The following CCR4 variants were observed in gnomAD, a reference collection of about 807,000 sequenced individuals.
CCR4 encodes C-C motif chemokine receptor 4.
A neutral mutation model predicts 17.1 loss-of-function variants in CCR4; 9 were observed. That is an observed-to-expected ratio of 0.53 (90% CI 0.32 to 0.92). CCR4 has a LOEUF of 0.92. Ranked by LOEUF, CCR4 falls within the 40% of genes least tolerant of loss-of-function variation. CCR4 has a pLI of 0.04. For missense variants in CCR4, 385 were observed against 433.9 expected (o/e 0.89, Z 1.00); for synonymous variants, 217 against 174.3 (o/e 1.24, Z -1.93).
chr3:32,952,762 A>T (rs544849584), intron 1 of CCR4, among the ~76,000 whole-genome samples: 1 of 152,200 alleles, frequency 6.6e-6, no homozygotes, highest in African/African-American at 2.4e-5. Context: ...GCTCTGATAC[A>T]CATGTCAGCA....
rs1017069338 is a variant in CCR4 at position 32,955,146 on chromosome 3, C to T, written c.*641C>T. 3 of 167,106 alleles carry T rather than the reference C, an allele frequency of 1.8e-5. No individual in the cohort carries two copies. Among genetic ancestry groups the T allele is most frequent in the Non-Finnish European group, 4.4e-5 (3 of 68,134 alleles). 10.4% of individuals were successfully genotyped at this position (167,106 alleles called of 1,614,324 possible). ...CCAAGGTCTGCTTTCCAAACGTGAACTACAAGGCATTCAAAATCCAAACAT... is the reference window on the plus strand; with the variant it reads ...CCAAGGTCTGCTTTCCAAACGTGAATTACAAGGCATTCAAAATCCAAACAT... On this transcript the variant is annotated 3_prime_UTR_variant, in exon 2 of 2. Transcript: ENST00000330953.
chr3:32,953,246 C>T, intron 1 of CCR4, 126 bp from the exon 2 acceptor site: 1 of 627,908 alleles, frequency 1.6e-6, no homozygotes, highest in Non-Finnish European at 2.5e-6. Flanking sequence ...AGTAATCGAG[C>T]CCTTCATCTT....
chr3:32,952,581 AAC>A (rs1575380181), intron 1 of CCR4, among the ~76,000 whole-genome samples: 1 of 152,142 alleles, frequency 6.6e-6, no homozygotes, highest in South Asian at 2.1e-4. Flanking sequence ...TTTCTTGAGA[AAC>A]ACAGTTTGGG....
chr3:32,954,219 C>A lies in CCR4; in HGVS notation c.797C>A (p.Thr266Asn). The A allele has an allele frequency of 6.2e-7, 1 of 1,613,992 alleles. No individual in the cohort carries two copies. Among genetic ancestry groups the A allele is most frequent in the Non-Finnish European group, 8.5e-7 (1 of 1,179,914 alleles). The change falls in exon 2 of 2, where the codon ACC becomes AAC. Residue 266 changes from threonine (T) to asparagine (N), a missense_variant. Transcript: ENST00000330953. ...TACAACATAGTGCTCTTCCTAGAGA[C>A]CCTGGTGGAGCTAGAAGTCCTTCAG... Reference protein sequence around the residue: ...TPYNIVLFLETLVELEVLQDC... With the variant: ...TPYNIVLFLENLVELEVLQDC...
Position 32,954,921 on chromosome 3 carries a change from C to T in CCR4, c.*416C>T, listed in dbSNP as rs1695687822. 5.7e-6 allele frequency: 1 copy of T among 174,324 alleles called. No homozygotes were observed. Among genetic ancestry groups the T allele is most frequent in the African/African-American group, 2.4e-5 (1 of 41,738 alleles). 10.8% of individuals were successfully genotyped at this position (174,324 alleles called of 1,614,324 possible). On this transcript the variant is annotated 3_prime_UTR_variant, in exon 2 of 2. Transcript: ENST00000330953. Reference sequence around the variant, plus strand: ...GGCAAATGGGCCCTCTAATTAATTTCTTGCTTTTGCGGAACAATATAGATA... The same window carrying T: ...GGCAAATGGGCCCTCTAATTAATTTTTTGCTTTTGCGGAACAATATAGATA...
At chr3:32,952,218 T>A (rs1697683919) in intron 1 of CCR4, among the ~76,000 whole-genome samples, 1 of 152,120 alleles carries the variant, frequency 6.6e-6, no homozygotes, top group Middle Eastern at 3.2e-3. Flanking sequence ...AACCAAAATC[T>A]TTTTTCTTTC....
intron 1 of CCR4, among the ~76,000 whole-genome samples, chr3:32,952,019 TC>T (rs1697681258): frequency 6.6e-6 from 1 of 152,118 alleles, no homozygotes; most frequent in Non-Finnish European, 1.5e-5. Context: ...ACAGAATAAT[TC>T]CAGACACTTA....
chr3:32,952,835 G>T (rs1226482095), intron 1 of CCR4, among the ~76,000 whole-genome samples: 1 of 152,154 alleles, frequency 6.6e-6, no homozygotes, highest in Non-Finnish European at 1.5e-5. Context: ...AAGTGAAGGT[G>T]GTTGGGGAGG....
chr3:32,953,880 A>C lies in CCR4; in HGVS notation c.458A>C (p.Tyr153Ser). Residue 153 changes from tyrosine (Y) to serine (S), a missense_variant, in exon 2 of 2, where the codon TAT becomes TCT. By Grantham distance (144) the Tyr-to-Ser change is moderately radical. Transcript: ENST00000330953. ...TCCTTGAGGGCAAGGACCTTGACTT[A>C]TGGGGTCATCACCAGTTTGGCTACA... ...VFSLRARTLTYGVITSLATWS... is the reference protein window; with the variant it reads ...VFSLRARTLTSGVITSLATWS... 3 of 1,613,994 alleles carry C rather than the reference A, an allele frequency of 1.9e-6. No individual in the cohort carries two copies. Among genetic ancestry groups the C allele is most frequent in the Non-Finnish European group, 2.5e-6 (3 of 1,180,004 alleles).
Position 32,954,633 on chromosome 3 carries a change from G to T in CCR4, c.*128G>T. 1.9e-6 allele frequency: 2 copies of T among 1,057,282 alleles called. No individual in the cohort carries two copies. Among genetic ancestry groups the T allele is most frequent in the South Asian group, 4.6e-5 (2 of 43,732 alleles). 65.5% of individuals were successfully genotyped at this position (1,057,282 alleles called of 1,614,324 possible). On this transcript the variant is annotated 3_prime_UTR_variant, in exon 2 of 2. Coordinates refer to ENST00000330953, the MANE Select transcript of CCR4 (RefSeq NM_005508.5). ...GGCTTACACCCACAGTGGAAAGACA[G>T]CTTCTCATCCTGCAGGCAGCTTTTT...
Position 32,953,398 on chromosome 3 carries a change from C to G in CCR4, c.-25C>G, listed in dbSNP as rs780177154. 4.5e-6 allele frequency: 7 copies of G among 1,569,426 alleles called. No individual in the cohort carries two copies. The highest frequency in any genetic ancestry group is 1.4e-5 in the African/African-American group (1 of 73,982). On this transcript the variant is annotated 5_prime_UTR_variant, in exon 2 of 2. Transcript: ENST00000330953. The stretch of plus-strand genomic sequence containing the variant: ...TGCTTCTGGTTGGGCCCAGACCTGC[C>G]TTGAGGAGCCTGTAGAGTTAAAAAA...
intron 1 of CCR4, among the ~76,000 whole-genome samples, chr3:32,952,447 CAG>C (rs1697687381): frequency 6.6e-6 from 1 of 152,078 alleles, no homozygotes; most frequent in African/African-American, 2.4e-5. Context: ...TTTGTAGAGA[CAG>C]GGTCTCCTTA....
chr3:32,953,317 T>C (rs2125706814), intron 1 of CCR4, 55 bp from the exon 2 acceptor site: 3 of 1,314,470 alleles, frequency 2.3e-6, no homozygotes, highest in South Asian at 1.5e-5. Context: ...CATTTAGCAA[T>C]ACTTTGGTTT....
Position 32,954,261 on chromosome 3 carries a change from G to A in CCR4, c.839G>A (p.Arg280Lys). ...GTCCTTCAGGACTGCACCTTTGAAA[G>A]ATACTTGGACTATGCCATCCAGGCC... Reference protein sequence around the residue: ...LEVLQDCTFERYLDYAIQATE... With the variant: ...LEVLQDCTFEKYLDYAIQATE... Residue 280 changes from arginine to lysine, a missense_variant, in exon 2 of 2, where the codon AGA becomes AAA. Coordinates refer to ENST00000330953, the MANE Select transcript of CCR4 (RefSeq NM_005508.5). 1 of 1,614,056 alleles carries A rather than the reference G, an allele frequency of 6.2e-7. No individual in the cohort carries two copies. The highest frequency in any genetic ancestry group is 8.5e-7 in the Non-Finnish European group (1 of 1,180,014).
intron 1 of CCR4, 127 bp from the exon 2 acceptor site, chr3:32,953,245 G>A: frequency 1.6e-6 from 1 of 626,096 alleles, no homozygotes; most frequent in Non-Finnish European, 2.6e-6. Flanking sequence ...GAGTAATCGA[G>A]CCCTTCATCT....
Position 32,954,217 on chromosome 3 carries a change from G to T in CCR4, c.795G>T (p.Glu265Asp). 1.2e-6 allele frequency: 2 copies of T among 1,614,000 alleles called. No homozygotes were observed. The highest frequency in any genetic ancestry group is 8.5e-7 in the Non-Finnish European group (1 of 1,179,922). ...WTPYNIVLFL[E>D]TLVELEVLQD... Reference sequence around the variant, plus strand: ...CTTACAACATAGTGCTCTTCCTAGAGACCCTGGTGGAGCTAGAAGTCCTTC... The same window carrying T: ...CTTACAACATAGTGCTCTTCCTAGATACCCTGGTGGAGCTAGAAGTCCTTC... Residue 265 changes from glutamate (E) to aspartate (D), a missense_variant, in exon 2 of 2, where the codon GAG becomes GAT. Coordinates refer to ENST00000330953, the MANE Select transcript of CCR4 (RefSeq NM_005508.5).
intron 1 of CCR4, among the ~76,000 whole-genome samples, chr3:32,952,728 C>G (rs1455375227): frequency 6.6e-6 from 1 of 152,182 alleles, no homozygotes; most frequent in Non-Finnish European, 1.5e-5. Context: ...GGCCTTGAGT[C>G]GGAAAGCCCT....
rs752938620 is a variant in CCR4, at chr3:32,954,460, T to G, written c.1038T>G (p.Ser346=). Residue 346 remains serine, a synonymous_variant, in exon 2 of 2, where the codon TCT becomes TCG. Coordinates refer to ENST00000330953, the MANE Select transcript of CCR4 (RefSeq NM_005508.5). The stretch of plus-strand genomic sequence containing the variant: ...ACTCTGCTGACACCCCCAGCTCATC[T>G]TACACGCAGTCCACCATGGATCATG... ...QIYSADTPSS[S]YTQSTMDHDL... The G allele has an allele frequency of 6.4e-7, 1 of 1,570,404 alleles. No individual in the cohort carries two copies. Among genetic ancestry groups the G allele is most frequent in the Non-Finnish European group, 8.6e-7 (1 of 1,162,792 alleles).
rs765761610 is a variant in CCR4, at chr3:32,954,358, C to A, written c.936C>A (p.Arg312=). 10 of 1,614,122 alleles carry A rather than the reference C, an allele frequency of 6.2e-6. No individual in the cohort carries two copies. The South Asian group carries it at 9.9e-5, about 16-fold the overall frequency. ...ACTTTTTTCTGGGGGAGAAATTTCGCAAGTACATCCTACAGCTCTTCAAAA... is the reference window on the plus strand; with the variant it reads ...ACTTTTTTCTGGGGGAGAAATTTCGAAAGTACATCCTACAGCTCTTCAAAA... The part of the protein sequence containing the change: ...IIYFFLGEKF[R]KYILQLFKTC... The change falls in exon 2 of 2, where the codon CGC becomes CGA. Residue 312 remains arginine, a synonymous_variant. Transcript: ENST00000330953.
Sources: gnomAD v4.1 joint callset for allele counts (sites outside exome capture counted in the v4.1 genomes callset) on GRCh38, gnomAD v4.1.1 for gene constraint, MANE v1.5 for transcripts, NCBI Gene and HGNC (gene_info 2026-07-23, HGNC 2026-07-21) for gene names.